Variants in IGSF5 observed in about 807,000 individuals in gnomAD.
IGSF5 encodes immunoglobulin superfamily 5 like.
A neutral mutation model predicts 39.4 loss-of-function variants in IGSF5; 41 were observed. The observed-to-expected ratio is 1.04, with a 90% confidence interval of 0.81 to 1.35. The LOEUF (loss-of-function observed/expected upper bound fraction) is 1.35. IGSF5 is among the 40% of genes most tolerant of loss of function. The pLI, the probability that IGSF5 is intolerant of heterozygous loss-of-function variation, is 0.00. For missense variants in IGSF5, 487 were observed against 494.6 expected, an observed-to-expected ratio of 0.98 and a Z score of 0.15; for synonymous variants, 183 against 175.3, an observed-to-expected ratio of 1.04 and a Z score of -0.34.
At chr21:39,735,897 A>G in the IGSF5 span, among the ~76,000 whole-genome samples, 4 of 152,208 alleles carry the variant, frequency 2.6e-5, no homozygotes, top group African/African-American at 7.2e-5. Flanking sequence ...CTCAGGCCCT[A>G]TTAAATCAGA....
intron 4 of IGSF5, among the ~76,000 whole-genome samples, chr21:39,778,682 G>A (rs558521986): frequency 6.6e-6 from 1 of 152,300 alleles, no homozygotes; most frequent in East Asian, 1.9e-4. Context: ...GGACATGGAA[G>A]GGAGAACAAA....
At chr21:39,797,285 C>T (rs1296795965) in intron 8 of IGSF5, among the ~76,000 whole-genome samples, 1 of 133,704 alleles carries the variant, frequency 7.5e-6, no homozygotes, top group Non-Finnish European at 1.5e-5. Flanking sequence ...GTGGTGTGAT[C>T]TTGGCTCACC....
At chr21:39,772,545 C>T (rs147759535) in intron 4 of IGSF5, among the ~76,000 whole-genome samples, 255 of 152,296 alleles carry the variant, frequency 1.7e-3, no homozygotes, top group African/African-American at 6.0e-3. Context: ...TCCCCTTGTT[C>T]CTTGTGGTTG....
chr21:39,719,815 T>C, the IGSF5 span, among the ~76,000 whole-genome samples: 1 of 152,208 alleles, frequency 6.6e-6, no homozygotes, highest in Non-Finnish European at 1.5e-5. Flanking sequence ...TAGGGCCTGC[T>C]CTGTGCTCCA....
chr21:39,715,318 C>T, the IGSF5 span, among the ~76,000 whole-genome samples: 2 of 152,010 alleles, frequency 1.3e-5, no homozygotes, highest in Non-Finnish European at 2.9e-5. Flanking sequence ...GGGGTTTCAC[C>T]ATGTTGCTCA....
At chr21:39,787,640 A>AT (rs547176016) in intron 5 of IGSF5, among the ~76,000 whole-genome samples, 112 of 150,046 alleles carry the variant, frequency 7.5e-4, no homozygotes, top group Middle Eastern at 3.5e-3. Flanking sequence ...GTATCTTTGA[A>AT]TTAAAGAAAT....
At chr21:39,792,855 C>G (rs1196430108) in intron 7 of IGSF5, among the ~76,000 whole-genome samples, 1 of 152,162 alleles carries the variant, frequency 6.6e-6, no homozygotes, top group Non-Finnish European at 1.5e-5. Context: ...AGGCTGAACC[C>G]ACTCCTCCTC....
chr21:39,734,575 A>G, the IGSF5 span, among the ~76,000 whole-genome samples: 2 of 151,780 alleles, frequency 1.3e-5, no homozygotes, highest in Non-Finnish European at 2.9e-5. Context: ...CCTGATAACC[A>G]CTGATTTTTT....
chr21:39,750,058 G>T (rs190563404), intron 2 of IGSF5, among the ~76,000 whole-genome samples: 1 of 152,186 alleles, frequency 6.6e-6, no homozygotes, highest in Non-Finnish European at 1.5e-5. Flanking sequence ...GAGGTATGCA[G>T]CTTTTTCATC....
intron 2 of IGSF5, among the ~76,000 whole-genome samples, chr21:39,755,210 G>A (rs572479026): frequency 7.9e-5 from 12 of 152,216 alleles, no homozygotes; most frequent in Admixed American, 5.2e-4. Flanking sequence ...ATAACTGGAC[G>A]ACTCAATTTC....
upstream of IGSF5, among the ~76,000 whole-genome samples, chr21:39,743,097 GT>G (rs1175248243): frequency 6.6e-6 from 1 of 152,084 alleles, no homozygotes; most frequent in East Asian, 1.9e-4. Flanking sequence ...CTTCTTCCTA[GT>G]TTTCCTTAGT....
At chr21:39,722,582 AG>A in the IGSF5 span, 4 of 152,210 alleles carry the variant, frequency 2.6e-5, no homozygotes, top group African/African-American at 9.7e-5. Flanking sequence ...GGTTGTATTA[AG>A]CCCCCAGTAT....
Position 39,792,213 on chromosome 21 carries a change from T to A in IGSF5, c.1048+114T>A. The A allele has an allele frequency of 4.8e-6, 3 of 628,624 alleles. No individual in the cohort carries two copies. The South Asian group carries it at 7.1e-5, about 15-fold the overall frequency. 38.9% of individuals were successfully genotyped at this position (628,624 alleles called of 1,614,324 possible). A position where few individuals can be genotyped will look rare whatever the true frequency, so the allele number is the denominator to read the frequency against. ...GCTAACTTGGCAATGGTGGTTATTA[T>A]TTTTTGGATAAATTTTAGAAGAAGA... On this transcript the variant is annotated intron_variant, in intron 7 of 8. Transcript: ENST00000380588.
chr21:39,757,100 T>A (rs1742682641), intron 2 of IGSF5, among the ~76,000 whole-genome samples: 2 of 151,698 alleles, frequency 1.3e-5, no homozygotes, highest in African/African-American at 4.8e-5. Flanking sequence ...TTCCTGCAGG[T>A]GTCCAATGCG....
the IGSF5 span, among the ~76,000 whole-genome samples, chr21:39,728,383 A>G: frequency 6.6e-6 from 1 of 152,174 alleles, no homozygotes; most frequent in Non-Finnish European, 1.5e-5. Context: ...GGAGTGATGC[A>G]GCTTCAAGCC....
At chr21:39,758,143 T>C (rs1043017993) in intron 2 of IGSF5, among the ~76,000 whole-genome samples, 1 of 152,094 alleles carries the variant, frequency 6.6e-6, no homozygotes, top group African/African-American at 2.4e-5. Context: ...TCGCCTGAGC[T>C]TGGTGGGCTG....
chr21:39,716,138 T>C, the IGSF5 span, among the ~76,000 whole-genome samples: 1 of 152,148 alleles, frequency 6.6e-6, no homozygotes, highest in Non-Finnish European at 1.5e-5. Context: ...TCTCAGTGCT[T>C]AGTTGCACCA....
intron 2 of IGSF5, among the ~76,000 whole-genome samples, chr21:39,762,620 G>C (rs1219969075): frequency 6.6e-6 from 1 of 152,186 alleles, no homozygotes; most frequent in East Asian, 1.9e-4. Flanking sequence ...ATTCTCTTCA[G>C]AAGGTAATTT....
chr21:39,733,361 T>TTA, the IGSF5 span, among the ~76,000 whole-genome samples: 2 of 152,128 alleles, frequency 1.3e-5, no homozygotes, highest in African/African-American at 4.8e-5. Flanking sequence ...GGATATAAAA[T>TTA]TATATATACA....
Sources: gnomAD v4.1 joint callset for allele counts (sites outside exome capture counted in the v4.1 genomes callset) on GRCh38, gnomAD v4.1.1 for gene constraint, MANE v1.5 for transcripts, NCBI Gene and HGNC (gene_info 2026-07-23, HGNC 2026-07-21) for gene names.